TEX36: variants seen among roughly 807,000 people sequenced by gnomAD.
TEX36 encodes testis expressed 36, also known as testis-expressed protein 36.
TEX36 carries 12 observed loss-of-function variants against 13.6 expected under a neutral mutation model. That is an observed-to-expected ratio of 0.88 (90% CI 0.56 to 1.43). The LOEUF is 1.43. Among genes scored for constraint, TEX36 ranks in the 40% most tolerant of loss-of-function variants. The pLI, the probability that TEX36 is intolerant of heterozygous loss-of-function variation, is 0.00. For synonymous variants in TEX36, 93 were observed against 83.0 expected (o/e 1.12, Z -0.65); for missense variants, 224 against 228.3 (o/e 0.98, Z 0.12).
At chr10:125,643,501 T>C (rs958272500) in intron 3 of TEX36, among the ~76,000 whole-genome samples, 2 of 152,106 alleles carry the variant, frequency 1.3e-5, no homozygotes, top group African/African-American at 4.8e-5. Flanking sequence ...CCCCGCACTT[T>C]GGGAGGCTGA....
At chr10:125,607,465 G>C (rs1002477085) in intron 3 of TEX36, among the ~76,000 whole-genome samples, 1 of 152,152 alleles carries the variant, frequency 6.6e-6, no homozygotes, top group Admixed American at 6.5e-5. Flanking sequence ...GTGTAAACAC[G>C]GTGATTCTCA....
At chr10:125,630,773 C>T (rs1437996332) in intron 3 of TEX36, among the ~76,000 whole-genome samples, 1 of 152,136 alleles carries the variant, frequency 6.6e-6, no homozygotes, top group African/African-American at 2.4e-5. Context: ...ACGTCCCCTC[C>T]CCTTCCCACT....
chr10:125,664,255 G>T (rs181509353), intron 1 of TEX36, among the ~76,000 whole-genome samples: 1 of 152,244 alleles, frequency 6.6e-6, no homozygotes, highest in Non-Finnish European at 1.5e-5. Context: ...AGACACTTAG[G>T]TTGCTTCCAA....
chr10:125,615,972 G>T (rs1846352669), intron 3 of TEX36, among the ~76,000 whole-genome samples: 1 of 152,124 alleles, frequency 6.6e-6, no homozygotes, highest in Non-Finnish European at 1.5e-5. Flanking sequence ...CCTGTTATTG[G>T]TCTATTCAGA....
At chr10:125,606,593 G>C (rs1037521329) in intron 3 of TEX36, among the ~76,000 whole-genome samples, 2 of 152,138 alleles carry the variant, frequency 1.3e-5, no homozygotes, top group Admixed American at 1.3e-4. Flanking sequence ...ATCAGATCAG[G>C]GGGTGGAAGT....
At chr10:125,626,672 G>T (rs1261125717) in intron 3 of TEX36, among the ~76,000 whole-genome samples, 1 of 152,186 alleles carries the variant, frequency 6.6e-6, no homozygotes, top group African/African-American at 2.4e-5. Context: ...GAAGTGGGGA[G>T]AAGGAGGGCA....
chr10:125,606,978 T>A (rs1263127033), intron 3 of TEX36, among the ~76,000 whole-genome samples: 1 of 152,244 alleles, frequency 6.6e-6, no homozygotes, highest in East Asian at 1.9e-4. Context: ...GGATGCGAAC[T>A]TTGATTCTCA....
chr10:125,641,097 T>A (rs886067637), intron 3 of TEX36, among the ~76,000 whole-genome samples: 1 of 152,194 alleles, frequency 6.6e-6, no homozygotes, highest in African/African-American at 2.4e-5. Context: ...GAACTTTGAT[T>A]GGAGCTGCAA....
chr10:125,632,941 T>A (rs1017833636), intron 3 of TEX36, among the ~76,000 whole-genome samples: 1 of 152,062 alleles, frequency 6.6e-6, no homozygotes, highest in African/African-American at 2.4e-5. Context: ...CTGGCCAATA[T>A]ATGAAACCCC....
chr10:125,634,816 G>A (rs1846603659), intron 3 of TEX36, among the ~76,000 whole-genome samples: 1 of 152,176 alleles, frequency 6.6e-6, no homozygotes, highest in African/African-American at 2.4e-5. Context: ...AGGGTAGATA[G>A]AGTGAAGTAC....
chr10:125,658,635 T>C (rs1846983991), intron 3 of TEX36, among the ~76,000 whole-genome samples: 1 of 152,028 alleles, frequency 6.6e-6, no homozygotes, highest in South Asian at 2.1e-4. Context: ...ACAAAGATAA[T>C]CTCATAATTC....
chr10:125,668,128 T>A (rs1460723167), intron 1 of TEX36, among the ~76,000 whole-genome samples: 4 of 152,150 alleles, frequency 2.6e-5, no homozygotes, highest in Non-Finnish European at 2.9e-5. Flanking sequence ...TTGTCTTTTT[T>A]TTGTTGTGTC....
chr10:125,652,548 G>T (rs558829839), downstream of TEX36, among the ~76,000 whole-genome samples: 1 of 152,152 alleles, frequency 6.6e-6, no homozygotes, highest in Non-Finnish European at 1.5e-5. Flanking sequence ...AGAAAACCTA[G>T]GCAATACCCT....
intron 1 of TEX36, among the ~76,000 whole-genome samples, chr10:125,670,803 T>C (rs1847213260): frequency 6.6e-6 from 1 of 152,328 alleles, no homozygotes; most frequent in South Asian, 2.1e-4. Flanking sequence ...TTTCTGCATA[T>C]TACTAGCCAG....
At chr10:125,619,149 A>C (rs1846397270), downstream of TEX36, among the ~76,000 whole-genome samples, 1 of 151,734 alleles carries the variant, frequency 6.6e-6, no homozygotes, top group African/African-American at 2.4e-5. Context: ...AAAATAAAAA[A>C]ATAAAAATAA....
At chr10:125,576,561 CCA>C in exon 4 of TEX36, 1 of 773,028 alleles carries the variant, frequency 1.3e-6, no homozygotes, top group Non-Finnish European at 2.0e-6. Flanking sequence ...ATACCTGCGC[CCA>C]CACAGGCAAG....
intron 1 of TEX36, among the ~76,000 whole-genome samples, chr10:125,669,062 G>A (rs2133604324): frequency 6.6e-6 from 1 of 152,288 alleles, no homozygotes; most frequent in South Asian, 2.1e-4. Flanking sequence ...GGAGGCTGAG[G>A]CAGGCAGATC....
intron 3 of TEX36, among the ~76,000 whole-genome samples, chr10:125,602,617 CAACA>C (rs1432970211): frequency 6.6e-6 from 1 of 152,148 alleles, no homozygotes; most frequent in African/African-American, 2.4e-5. Flanking sequence ...TTCATTCATT[CAACA>C]AACACACTGT....
At chr10:125,603,877 A>G (rs922333518) in intron 3 of TEX36, among the ~76,000 whole-genome samples, 2 of 152,092 alleles carry the variant, frequency 1.3e-5, no homozygotes, top group Admixed American at 1.3e-4. Flanking sequence ...GAGGGAAAGG[A>G]GGCACTGGCT....
Sources: gnomAD v4.1 joint callset for allele counts (sites outside exome capture counted in the v4.1 genomes callset) on GRCh38, gnomAD v4.1.1 for gene constraint, MANE v1.5 for transcripts, NCBI Gene and HGNC (gene_info 2026-07-23, HGNC 2026-07-21) for gene names.